The following ATL3 variants were observed in gnomAD, a reference collection of about 807,000 sequenced individuals.
ATL3 encodes atlastin-3.
In ATL3, 49 loss-of-function variants were observed where a neutral mutation model predicts 69.5. That is an observed-to-expected ratio of 0.71 (90% CI 0.56 to 0.89). The LOEUF is 0.89. Ranked by LOEUF, ATL3 falls within the 40% of genes least tolerant of loss-of-function variation. The pLI is 0.00. For synonymous variants in ATL3, 214 were observed against 224.1 expected, an observed-to-expected ratio of 0.95 and a Z score of 0.40; for missense variants, 606 against 645.7, an observed-to-expected ratio of 0.94 and a Z score of 0.67.
intron 11 of ATL3, chr11:63,632,245 AC>A: frequency 1.4e-6 from 1 of 719,204 alleles, no homozygotes; most frequent in Non-Finnish European, 2.6e-6. Context: ...CTCTGGGGAA[AC>A]CTTCTGACTT....
rs1251428235 is a variant in ATL3 at position 63,625,463 on chromosome 11, T to TAA, written c.*3854_*3855dup. Reference sequence around the variant, plus strand: ...ATTAAAGTTTTAATTTTTAAAAAATTAAAAAATTAAAACTGTTTTATTGCT... The same window carrying TAA: ...ATTAAAGTTTTAATTTTTAAAAAATTAAAAAAAATTAAAACTGTTTTATTGCT... On this transcript the variant is annotated 3_prime_UTR_variant, in exon 13 of 13. Coordinates refer to ENST00000398868, the MANE Select transcript of ATL3 (RefSeq NM_015459.5). The TAA allele has an allele frequency of 6.6e-6, 1 of 152,318 alleles. No homozygotes were observed. Among genetic ancestry groups the TAA allele is most frequent in the African/African-American group, 2.4e-5 (1 of 41,576 alleles). 9.4% of individuals were successfully genotyped at this position (152,318 alleles called of 1,614,324 possible).
intron 1 of ATL3, among the ~76,000 whole-genome samples, chr11:63,660,823 ACTG>A (rs1022662849): frequency 2.0e-4 from 31 of 152,244 alleles, no homozygotes; most frequent in African/African-American, 7.0e-4. Context: ...AGTGTTTGCC[ACTG>A]CTAAGCTTTA....
Position 63,631,221 on chromosome 11 carries a change from G to A in ATL3, c.1358C>T (p.Ala453Val). The A allele has an allele frequency of 6.2e-7, 1 of 1,614,208 alleles. No individual in the cohort carries two copies. The highest frequency in any genetic ancestry group is 8.5e-7 in the Non-Finnish European group (1 of 1,180,026). Residue 453 changes from alanine to valine, a missense_variant, in exon 12 of 13, where the codon GCT (alanine) becomes GTT (valine). Transcript: ENST00000398868. The stretch of plus-strand genomic sequence containing the variant: ...AGTGAGGCCTGAGGCTATGTACAAA[G>A]CTACAATGCCCGTGAACAGCACTGC... ...TPAVLFTGIV[A>V]LYIASGLTGF... is the part of the protein sequence containing the mutation.
At chr11:63,642,573 T>C (rs1565273906) in intron 8 of ATL3, among the ~76,000 whole-genome samples, 2 of 152,310 alleles carry the variant, frequency 1.3e-5, no homozygotes, top group South Asian at 2.1e-4. Flanking sequence ...AACTTGGATG[T>C]AGATCTACGC....
Position 63,631,421 on chromosome 11 carries a change from C to T in ATL3, c.1158G>A (p.Lys386=), listed in dbSNP as rs1402480454. 6.2e-7 allele frequency: 1 copy of T among 1,614,098 alleles called. No homozygotes were observed. The stretch of plus-strand genomic sequence containing the variant: ...GAGCAAGTTGTTTGAATTCACAGTG[C>T]TTCTCCTCTAGAATGTCTGGAGACA... The part of the protein sequence containing the change: ...PYLSPDILEE[K]HCEFKQLALD... The change falls in exon 12 of 13, where the codon AAG becomes AAA. Residue 386 remains lysine (K), a synonymous_variant. Coordinates refer to ENST00000398868, the MANE Select transcript of ATL3 (RefSeq NM_015459.5).
upstream of ATL3, chr11:63,671,556 G>C (rs1331401715): frequency 1.4e-6 from 2 of 1,424,458 alleles, no homozygotes; most frequent in African/African-American, 1.5e-5. Flanking sequence ...GACGAGGCTA[G>C]GCGAGGCGGG....
intron 8 of ATL3, among the ~76,000 whole-genome samples, chr11:63,637,307 G>T (rs1224113244): frequency 2.0e-5 from 3 of 151,624 alleles, no homozygotes; most frequent in Non-Finnish European, 4.4e-5. Context: ...CATTAACAGG[G>T]TCTTCAACAA....
chr11:63,641,569 G>A (rs1939701724), intron 8 of ATL3, among the ~76,000 whole-genome samples: 1 of 152,302 alleles, frequency 6.6e-6, no homozygotes, highest in African/African-American at 2.4e-5. Context: ...GTCAAAGAAT[G>A]CCAAGGACTG....
chr11:63,666,890 C>T (rs1381575325), intron 1 of ATL3, among the ~76,000 whole-genome samples: 1 of 152,212 alleles, frequency 6.6e-6, no homozygotes, highest in Non-Finnish European at 1.5e-5. Context: ...ATATGGATAA[C>T]GTGATGTTTT....
chr11:63,667,253 T>C (rs1057324797), intron 1 of ATL3, among the ~76,000 whole-genome samples: 2 of 152,168 alleles, frequency 1.3e-5, no homozygotes, highest in Non-Finnish European at 2.9e-5. Flanking sequence ...TTCATTGCTG[T>C]AAATAGCTCA....
intron 5 of ATL3, chr11:63,650,855 C>G (rs1001750101): frequency 5.3e-5 from 8 of 152,196 alleles, no homozygotes; most frequent in African/African-American, 1.7e-4. Context: ...AGCAACAGCT[C>G]TCAACCACTA....
chr11:63,631,925 T>C (rs1939333761), intron 11 of ATL3, among the ~76,000 whole-genome samples: 1 of 152,116 alleles, frequency 6.6e-6, no homozygotes, highest in Non-Finnish European at 1.5e-5. Flanking sequence ...GAGGTTGCAG[T>C]GAGCCGAGAT....
In ATL3 at chr11:63,632,904, T is replaced by C. The variant is rs1590717982; in HGVS notation, c.1107+122A>G. 1.3e-5 allele frequency: 12 copies of C among 904,878 alleles called. No homozygotes were observed. The East Asian group carries it at 2.7e-4, about 20-fold the overall frequency. The allele number at this position is 904,878 out of a possible 1,614,324, so 56.1% of individuals were successfully genotyped here. A position where few individuals can be genotyped will look rare whatever the true frequency, so the allele number is the denominator to read the frequency against. On this transcript the variant is annotated intron_variant, in intron 11 of 12. Transcript: ENST00000398868. ...GAAGGCCCCCGTTACCAGGACAACCTGAATATAAGTTTATTGCCTCATCAC... is the reference window on the plus strand; with the variant it reads ...GAAGGCCCCCGTTACCAGGACAACCCGAATATAAGTTTATTGCCTCATCAC...
intron 1 of ATL3, among the ~76,000 whole-genome samples, chr11:63,667,334 A>T (rs1479130214): frequency 2.1e-5 from 3 of 145,808 alleles, no homozygotes; most frequent in African/African-American, 7.5e-5. Flanking sequence ...ATTAGAAAGC[A>T]TTTTTTTTTT....
At chr11:63,662,709 G>A (rs1397770777) in intron 1 of ATL3, among the ~76,000 whole-genome samples, 2 of 152,130 alleles carry the variant, frequency 1.3e-5, no homozygotes, top group Non-Finnish European at 2.9e-5. Flanking sequence ...GAACTCCTGA[G>A]CTCAAATGAT....
intron 5 of ATL3, 87 bp from the exon 6 acceptor site, chr11:63,646,650 T>C (rs991501443): frequency 2.6e-5 from 21 of 810,566 alleles, no homozygotes; most frequent in Non-Finnish European, 4.2e-5. Flanking sequence ...ATTATATTTA[T>C]ACTGATACCA....
chr11:63,630,861 ATAAATATTAATATCC>A (rs1447227862), intron 12 of ATL3, among the ~76,000 whole-genome samples, 164 bp downstream of exon 12: 3 of 152,066 alleles, frequency 2.0e-5, no homozygotes, highest in Non-Finnish European at 4.4e-5. Context: ...AATATTAAGA[ATAAATATTAATATCC>A]TAAAGGATAA....
At chr11:63,632,306 A>T (rs112538268) in intron 11 of ATL3, 8 of 780,012 alleles carry the variant, frequency 1.0e-5, no homozygotes, top group African/African-American at 8.5e-5. Flanking sequence ...GCTTCTGAAT[A>T]CGTTGGTGGT....
intron 1 of ATL3, among the ~76,000 whole-genome samples, chr11:63,661,121 G>A (rs974857469): frequency 1.6e-4 from 25 of 151,596 alleles, no homozygotes; most frequent in African/African-American, 5.8e-4. Flanking sequence ...TACTGAAGAG[G>A]CTGAGGGAGA....
Sources: allele counts gnomAD v4.1 joint callset (sites outside exome capture counted in the v4.1 genomes callset), GRCh38; gene constraint gnomAD v4.1.1; transcripts MANE v1.5; gene names NCBI Gene and HGNC (gene_info 2026-07-23, HGNC 2026-07-21).